The following MCC variants were observed in gnomAD, a reference collection of about 807,000 sequenced individuals.
The protein encoded by MCC is MCC regulator of Wnt signaling pathway.
Under a neutral mutation model 116.2 loss-of-function variants are expected in MCC, and 90 were observed. The ratio of observed to expected loss-of-function variants is 0.77; its 90% CI spans 0.65 to 0.92. MCC has a LOEUF of 0.92. Ranked by LOEUF, MCC falls within the 40% of genes least tolerant of loss-of-function variation. The pLI is 0.00. For synonymous variants in MCC, 578 were observed against 510.5 expected, an observed-to-expected ratio of 1.13 and a Z score of -1.78; for missense variants, 1,516 against 1,312.2, an observed-to-expected ratio of 1.16 and a Z score of -2.40.
At chr5:113,225,258 G>A (rs1421547450) in intron 3 of MCC, among the ~76,000 whole-genome samples, 2 of 152,046 alleles carry the variant, frequency 1.3e-5, no homozygotes, top group African/African-American at 2.4e-5. Flanking sequence ...TTTTATTGAC[G>A]AATTTTCTTC....
chr5:113,371,360 A>G (rs1768832722), intron 2 of MCC, among the ~76,000 whole-genome samples: 1 of 152,242 alleles, frequency 6.6e-6, no homozygotes, highest in Admixed American at 6.5e-5. Context: ...TCTATCCTAT[A>G]CAGAGAATGA....
intron 13 of MCC, 81 bp from the exon 14 acceptor site, chr5:113,064,248 C>T: frequency 1.5e-6 from 2 of 1,305,298 alleles, no homozygotes; most frequent in Non-Finnish European, 2.1e-6. Flanking sequence ...ATAATTAACT[C>T]TGTTACTTAG....
chr5:113,299,219 C>T (rs1766788792), intron 3 of MCC, among the ~76,000 whole-genome samples: 2 of 141,396 alleles, frequency 1.4e-5, no homozygotes, highest in Admixed American at 7.6e-5. Flanking sequence ...ACCTGGGAGG[C>T]GGAGGTTGCA....
At chr5:113,199,185 A>AT (rs1231328762) in intron 3 of MCC, among the ~76,000 whole-genome samples, 1 of 152,098 alleles carries the variant, frequency 6.6e-6, no homozygotes, top group Non-Finnish European at 1.5e-5. Context: ...AGAAAAAAAA[A>AT]GAAAGAAATG....
intron 14 of MCC, among the ~76,000 whole-genome samples, chr5:113,060,007 C>T (rs528346729): frequency 6.6e-6 from 1 of 152,324 alleles, no homozygotes; most frequent in Non-Finnish European, 1.5e-5. Flanking sequence ...TCATAGCCTC[C>T]TCAGCTTGCC....
intron 1 of MCC, among the ~76,000 whole-genome samples, chr5:113,429,366 G>A (rs1770566227): frequency 6.6e-6 from 1 of 152,112 alleles, no homozygotes; most frequent in Non-Finnish European, 1.5e-5. Context: ...GAGCACATTA[G>A]CCAGCATCAA....
At chr5:113,210,613 C>T (rs1286161337) in intron 3 of MCC, among the ~76,000 whole-genome samples, 1 of 152,108 alleles carries the variant, frequency 6.6e-6, no homozygotes, top group Non-Finnish European at 1.5e-5. Flanking sequence ...TTGGGGGAAA[C>T]ATGAACCCAG....
rs188874390 is a variant in MCC at position 113,274,972 on chromosome 5, T to C, written c.627+65547A>G. Among the ~76,000 whole-genome samples the C allele has an allele frequency of 5.6e-4, 86 of 152,334 alleles. 1 individual carries two copies. The highest frequency in any genetic ancestry group is 1.9e-3 in the African/African-American group (81 of 41,574). On this transcript the variant is annotated intron_variant, in intron 3 of 18. Coordinates refer to ENST00000408903, the MANE Select transcript of MCC (RefSeq NM_001085377.2). ...ACCATGCCTAGATTCCCAGCTTGGC[T>C]TTCAGCATGCCAGTGAAGTGGGGGC...
At chr5:113,164,242 G>A (rs1402839998) in intron 3 of MCC, among the ~76,000 whole-genome samples, 12 of 152,144 alleles carry the variant, frequency 7.9e-5, no homozygotes, top group Admixed American at 5.2e-4. Flanking sequence ...TAAAAAGCTC[G>A]GCAACTCCTC....
chr5:113,395,480 C>T (rs1317596051), intron 1 of MCC, among the ~76,000 whole-genome samples: 3 of 152,176 alleles, frequency 2.0e-5, no homozygotes, highest in African/African-American at 7.2e-5. Flanking sequence ...CAGGTAGCTA[C>T]TCTATGTTCA....
intron 1 of MCC, among the ~76,000 whole-genome samples, chr5:113,389,885 C>G (rs774170109): frequency 2.0e-5 from 3 of 152,144 alleles, no homozygotes; most frequent in Non-Finnish European, 4.4e-5. Flanking sequence ...CATAATGCAG[C>G]ACATGGGATG....
At chr5:113,326,433 T>C (rs1240024509) in intron 3 of MCC, among the ~76,000 whole-genome samples, 1 of 152,166 alleles carries the variant, frequency 6.6e-6, no homozygotes, top group Non-Finnish European at 1.5e-5. Flanking sequence ...GATGGTGCCC[T>C]CTTGCTGTAT....
chr5:113,373,649 TAAA>T (rs1768896284), intron 2 of MCC, among the ~76,000 whole-genome samples: 1 of 152,206 alleles, frequency 6.6e-6, no homozygotes, highest in Non-Finnish European at 1.5e-5. Context: ...CCTCTCAAGA[TAAA>T]TTTAAACAGA....
chr5:113,133,211 A>G (rs1052925832), intron 5 of MCC, among the ~76,000 whole-genome samples: 2 of 152,106 alleles, frequency 1.3e-5, no homozygotes, highest in African/African-American at 4.8e-5. Context: ...CACTCTATTG[A>G]ATTATCAAAC....
chr5:113,134,411 T>C (rs1758662412), intron 5 of MCC, among the ~76,000 whole-genome samples: 1 of 152,206 alleles, frequency 6.6e-6, no homozygotes, highest in African/African-American at 2.4e-5. Flanking sequence ...GATTCTCTAT[T>C]ATGTTTCATT....
chr5:113,154,862 C>A (rs1760084660), intron 3 of MCC, among the ~76,000 whole-genome samples: 1 of 152,168 alleles, frequency 6.6e-6, no homozygotes, highest in Non-Finnish European at 1.5e-5. Flanking sequence ...AAATAACCAT[C>A]ATCACAAACA....
intron 13 of MCC, among the ~76,000 whole-genome samples, chr5:113,065,953 G>A (rs1157313410): frequency 3.9e-5 from 6 of 152,122 alleles, no homozygotes; most frequent in Admixed American, 6.5e-5. Flanking sequence ...AAAATCCCTG[G>A]AACTCCCTCC....
intron 2 of MCC, among the ~76,000 whole-genome samples, chr5:113,343,113 AC>A (rs1277203485): frequency 6.6e-6 from 1 of 152,240 alleles, no homozygotes; most frequent in Non-Finnish European, 1.5e-5. Context: ...CAGTTTGTGT[AC>A]AGTGAGTTCT....
intron 1 of MCC, among the ~76,000 whole-genome samples, chr5:113,441,556 GT>G (rs1204350439): frequency 3.3e-5 from 5 of 152,076 alleles, no homozygotes; most frequent in Non-Finnish European, 7.4e-5. Context: ...GGAACGTGCA[GT>G]TTTGTTACAT....
Sources: allele counts gnomAD v4.1 joint callset (sites outside exome capture counted in the v4.1 genomes callset), GRCh38; gene constraint gnomAD v4.1.1; transcripts MANE v1.5; gene names NCBI Gene and HGNC (gene_info 2026-07-23, HGNC 2026-07-21).